Variants in NLGN4X observed in about 807,000 individuals in gnomAD.
NLGN4X encodes neuroligin-4, X-linked.
A neutral mutation model predicts 40.3 loss-of-function variants in NLGN4X; 3 were observed. That is an observed-to-expected ratio of 0.07 (90% CI 0.03 to 0.19). NLGN4X has a LOEUF of 0.19. NLGN4X is among the 10% of genes least tolerant of loss of function. The pLI is 1.00. For synonymous variants in NLGN4X, 270 were observed against 306.8 expected (o/e 0.88, Z 1.25); for missense variants, 382 against 708.3 (o/e 0.54, Z 5.23).
In NLGN4X at chrX:5,978,308, CTTT is replaced by C. The variant is rs1569164796; in HGVS notation, c.625+50969_625+50971del. Among the ~76,000 whole-genome samples, 317 of 92,685 alleles carry C rather than the reference CTTT, an allele frequency of 3.4e-3. 1 individual carries two copies. The highest frequency in any genetic ancestry group is 7.3e-3 in the African/African-American group (164 of 22,559). The allele number at this position is 92,685 out of a possible 115,157, so 80.5% of individuals were successfully genotyped here. On this transcript the variant is annotated intron_variant, in intron 3 of 5. Coordinates refer to ENST00000381095, the MANE Select transcript of NLGN4X (RefSeq NM_181332.3). ...TCTTTCTTTCTTTCTTTCTTTCTTT[CTTT>C]CTTTCTTTCTTTCTTTCTTTCTTTC...
intron 3 of NLGN4X, among the ~76,000 whole-genome samples, chrX:6,022,361 GAT>G (rs1278465008): frequency 8.9e-6 from 1 of 111,987 alleles, no homozygotes; most frequent in African/African-American, 3.2e-5. Context: ...TGATACATAA[GAT>G]GTGTTCCATT....
intron 1 of NLGN4X, among the ~76,000 whole-genome samples, chrX:6,167,262 A>T (rs185889216): frequency 1.8e-5 from 2 of 110,034 alleles, no homozygotes; most frequent in East Asian, 5.8e-4. Context: ...TGTGCACACA[A>T]GTAATGAATA....
intron 1 of NLGN4X, among the ~76,000 whole-genome samples, chrX:6,210,709 T>C (rs1229243637): frequency 2.7e-5 from 3 of 112,116 alleles, no homozygotes; most frequent in African/African-American, 9.7e-5. Context: ...CACTTTCATG[T>C]AGAGTAAAAA....
Position 5,903,619 on chromosome X carries a change from G to A in NLGN4X, c.1059C>T (p.Pro353=). The change falls in exon 5 of 6, where the codon CCC becomes CCT. Residue 353 remains proline, a synonymous_variant. Transcript: ENST00000381095. ...VIDGDVIPDD[P]QILMEQGEFL... ...ACTCGCCTTGCTCCATCAGGATCTG[G>A]GGGTCGTCTGGGATGACGTCGCCGT... 8.3e-7 allele frequency: 1 copy of A among 1,211,567 alleles called. No individual in the cohort carries two copies. The highest frequency in any genetic ancestry group is 3.0e-5 in the East Asian group (1 of 33,789).
intron 2 of NLGN4X, among the ~76,000 whole-genome samples, chrX:6,123,246 C>T (rs562523659): frequency 1.8e-5 from 2 of 111,526 alleles, no homozygotes; most frequent in Admixed American, 9.5e-5. Context: ...AAAAAGCAGG[C>T]GATGTGCAAA....
intron 5 of NLGN4X, among the ~76,000 whole-genome samples, chrX:5,896,358 GATT>G (rs2031493656): frequency 8.9e-6 from 1 of 112,099 alleles, no homozygotes; most frequent in African/African-American, 3.2e-5. Context: ...AACTTGTGGA[GATT>G]ATGATAGCCC....
intron 3 of NLGN4X, among the ~76,000 whole-genome samples, chrX:6,020,700 T>C (rs909119828): frequency 2.7e-5 from 3 of 112,092 alleles, no homozygotes; most frequent in Middle Eastern, 4.2e-3. Flanking sequence ...CATCACTTTG[T>C]ACATGATCAA....
intron 3 of NLGN4X, among the ~76,000 whole-genome samples, chrX:5,944,671 A>AAAG (rs1259686201): frequency 1.9e-5 from 2 of 106,728 alleles, no homozygotes; most frequent in Non-Finnish European, 1.9e-5. Flanking sequence ...AAAAAAAAAA[A>AAAG]AAGAAGAAGA....
At chrX:6,226,620 G>C (rs1451277595) in intron 1 of NLGN4X, 1 of 113,394 alleles carries the variant, frequency 8.8e-6, no homozygotes, top group African/African-American at 3.3e-5. Context: ...ACCCCGCCGA[G>C]GGACCCCAGC....
chrX:5,925,007 T>TA (rs369126390), intron 3 of NLGN4X, among the ~76,000 whole-genome samples: 2,074 of 105,668 alleles, frequency 0.02, 56 homozygotes, highest in African/African-American at 0.065. Flanking sequence ...CCTATGAAAA[T>TA]AAAAAAAAAA....
chrX:6,039,574 A>G (rs1391631324), intron 2 of NLGN4X, among the ~76,000 whole-genome samples: 1 of 112,267 alleles, frequency 8.9e-6, no homozygotes, highest in Non-Finnish European at 1.9e-5. Context: ...TTTCCAAACA[A>G]GTTGTATTAT....
At chrX:6,086,732 T>C (rs2038505928) in intron 2 of NLGN4X, among the ~76,000 whole-genome samples, 1 of 111,537 alleles carries the variant, frequency 9.0e-6, no homozygotes, top group Non-Finnish European at 1.9e-5. Context: ...CATGGGCTCA[T>C]GCAACCCTCC....
chrX:6,025,904 CAAA>C (rs10712022), intron 3 of NLGN4X, among the ~76,000 whole-genome samples: 20 of 80,140 alleles, frequency 2.5e-4, no homozygotes, highest in South Asian at 1.3e-3. Flanking sequence ...GACTCCATCT[CAAA>C]AAAAAAAAAA....
chrX:6,220,734 C>CTTTTTTTT (rs774553248), intron 1 of NLGN4X, among the ~76,000 whole-genome samples: 124 of 66,716 alleles, frequency 1.9e-3, no homozygotes, highest in African/African-American at 2.5e-3. Context: ...TTATAACTTT[C>CTTTTTTTT]TTTTTTTTTT....
chrX:6,078,847 C>A (rs1160485540), intron 2 of NLGN4X, among the ~76,000 whole-genome samples: 3 of 111,119 alleles, frequency 2.7e-5, no homozygotes, highest in African/African-American at 6.6e-5. Flanking sequence ...ATTGTAATCC[C>A]CACGTGTTGG....
chrX:5,951,013 C>A (rs781660452), intron 3 of NLGN4X, among the ~76,000 whole-genome samples: 1 of 112,204 alleles, frequency 8.9e-6, no homozygotes, highest in South Asian at 3.7e-4. Flanking sequence ...GTTCTGAGAA[C>A]AATAATCATC....
At chrX:5,894,164 G>A (rs73450222) in intron 5 of NLGN4X, among the ~76,000 whole-genome samples, 1,570 of 111,683 alleles carry the variant, frequency 0.014, 25 homozygotes, top group African/African-American at 0.048. Context: ...ATACCCTCTG[G>A]TGCACAGGAG....
chrX:6,096,828 A>T (rs1279223823), intron 2 of NLGN4X, among the ~76,000 whole-genome samples: 5 of 111,708 alleles, frequency 4.5e-5, no homozygotes, highest in Non-Finnish European at 9.4e-5. Flanking sequence ...AGGGAACCTA[A>T]CCACGAAATG....
chrX:6,104,033 GTA>G (rs1482390917), intron 2 of NLGN4X, among the ~76,000 whole-genome samples: 1 of 111,724 alleles, frequency 9.0e-6, no homozygotes, highest in Non-Finnish European at 1.9e-5. Flanking sequence ...CATTGTGTGT[GTA>G]TGTGTGTGCA....
Sources: gnomAD v4.1 joint callset for allele counts (sites outside exome capture counted in the v4.1 genomes callset) on GRCh38, gnomAD v4.1.1 for gene constraint, MANE v1.5 for transcripts, NCBI Gene and HGNC (gene_info 2026-07-23, HGNC 2026-07-21) for gene names.